Variants in SAMD12 observed in about 807,000 individuals in gnomAD.
SAMD12 encodes the protein sterile alpha motif domain containing 12, also known as sterile alpha motif domain-containing protein 12.
In SAMD12, 9 loss-of-function variants were observed where a neutral mutation model predicts 15.0. That is an observed-to-expected ratio of 0.60 (90% confidence interval 0.36 to 1.05). The LOEUF is 1.05. SAMD12 is among the 50% of genes least tolerant of loss of function. The pLI is 0.01. For missense variants in SAMD12, 230 were observed against 234.2 expected (o/e 0.98, Z 0.12); for synonymous variants, 86 against 90.1 (o/e 0.96, Z 0.25).
chr8:118,234,344 A>G (rs1315676516), intron 4 of SAMD12, among the ~76,000 whole-genome samples: 1 of 152,062 alleles, frequency 6.6e-6, no homozygotes, highest in Non-Finnish European at 1.5e-5. Context: ...CATCATCTGA[A>G]ATTACACATA....
intron 1 of SAMD12, among the ~76,000 whole-genome samples, chr8:118,589,553 G>T (rs1450749159): frequency 1.3e-5 from 2 of 152,140 alleles, no homozygotes; most frequent in African/African-American, 4.8e-5. Context: ...CAGTAAAGTG[G>T]GGACAGACTT....
At chr8:118,355,190 C>T (rs375246730) in intron 4 of SAMD12, among the ~76,000 whole-genome samples, 20 of 152,308 alleles carry the variant, frequency 1.3e-4, no homozygotes, top group East Asian at 1.2e-3. Context: ...TATACACATA[C>T]GATGGAATAC....
At chr8:118,321,994 T>A (rs1042739220) in intron 4 of SAMD12, among the ~76,000 whole-genome samples, 1 of 152,168 alleles carries the variant, frequency 6.6e-6, no homozygotes, top group Non-Finnish European at 1.5e-5. Flanking sequence ...AGAGCTGCCA[T>A]TCAAATTGTC....
intron 4 of SAMD12, among the ~76,000 whole-genome samples, chr8:118,314,182 T>C (rs1815765199): frequency 6.6e-6 from 1 of 152,174 alleles, no homozygotes; most frequent in South Asian, 2.1e-4. Flanking sequence ...ATAAATTCTA[T>C]AGCATAAAAT....
At chr8:118,370,656 C>T (rs538891065) in intron 4 of SAMD12, among the ~76,000 whole-genome samples, 1 of 152,068 alleles carries the variant, frequency 6.6e-6, no homozygotes, top group African/African-American at 2.4e-5. Context: ...GAGCTGGAAG[C>T]CATTATCCTC....
intron 2 of SAMD12, among the ~76,000 whole-genome samples, chr8:118,442,717 G>C (rs754458637): frequency 6.6e-6 from 1 of 151,958 alleles, no homozygotes; most frequent in African/African-American, 2.4e-5. Flanking sequence ...ATGTTCCTTC[G>C]GATTAGCTGA....
rs144412666 is a variant in SAMD12 at position 118,497,079 on chromosome 8, C to T, written c.193-57118G>A. On this transcript the variant is annotated intron_variant, in intron 2 of 3. Transcript: ENST00000314727. ...AAAGTCAAAAAATAACAGATGTTGG[C>T]GACATTGCAGAGAAAAGGGAACACT... 7.3e-3 allele frequency among the ~76,000 whole-genome samples: 1,110 copies of T among 152,142 alleles called. 10 individuals are homozygous for T. Among genetic ancestry groups the T allele is most frequent in the African/African-American group, 0.023 (962 of 41,518 alleles).
At chr8:118,325,604 C>T (rs1024429907) in intron 4 of SAMD12, among the ~76,000 whole-genome samples, 8 of 152,146 alleles carry the variant, frequency 5.3e-5, no homozygotes, top group Non-Finnish European at 1.0e-4. Flanking sequence ...TAAGATCTCT[C>T]AGCAAATTTC....
intron 4 of SAMD12, among the ~76,000 whole-genome samples, chr8:118,260,106 C>T (rs1280666326): frequency 1.3e-5 from 2 of 152,076 alleles, no homozygotes; most frequent in Non-Finnish European, 2.9e-5. Flanking sequence ...GCGTATTAAA[C>T]ATGGTGTGGT....
chr8:118,441,649 T>C (rs534891012), intron 2 of SAMD12, among the ~76,000 whole-genome samples: 4 of 152,334 alleles, frequency 2.6e-5, no homozygotes, highest in African/African-American at 7.2e-5. Flanking sequence ...TAGACATATA[T>C]ACATACATAT....
chr8:118,469,952 C>T (rs1470272378), intron 2 of SAMD12, among the ~76,000 whole-genome samples: 1 of 152,104 alleles, frequency 6.6e-6, no homozygotes, highest in Admixed American at 6.5e-5. Flanking sequence ...AGAGAAGTGT[C>T]TTAATAAATT....
intron 1 of SAMD12, among the ~76,000 whole-genome samples, chr8:118,613,254 G>C (rs1319842896): frequency 6.6e-6 from 1 of 152,146 alleles, no homozygotes; most frequent in Non-Finnish European, 1.5e-5. Context: ...AATCATGAAA[G>C]AGTGAGAAAG....
Position 118,522,173 on chromosome 8 carries a change from CACACAT to C in SAMD12, c.192+58536_192+58541del, listed in dbSNP as rs1194298999. Among the ~76,000 whole-genome samples, 3 of 18,878 alleles carry C rather than the reference CACACAT, an allele frequency of 1.6e-4. No individual in the cohort carries two copies. The African/African-American group carries it at 2.2e-3, about 14-fold the overall frequency. 12.4% of individuals were successfully genotyped at this position (18,878 alleles called of 152,430 possible). ...ATTCAGTGAAACACACACACACACA[CACACAT>C]ACACACACACACACACACATACACA... On this transcript the variant is annotated intron_variant, in intron 2 of 3. Transcript: ENST00000314727.
At position 118,448,097 on chromosome 8, in the gene SAMD12, T is replaced by G. The variant is rs1189258132; in HGVS notation, c.193-8136A>C. Among the ~76,000 whole-genome samples, 3 of 152,316 alleles carry G rather than the reference T, an allele frequency of 2.0e-5. No individual in the cohort carries two copies. The East Asian group carries it at 5.8e-4, about 29-fold the overall frequency. On this transcript the variant is annotated intron_variant, in intron 2 of 3. Transcript: ENST00000314727. ...CCCACTACACCAGTCTTCTTCCTAT[T>G]GCTCAAAAATGCCAACTATGTCTGT...
exon 5 of SAMD12, chr8:118,192,593 AAAC>A (rs1204563108): frequency 6.6e-6 from 1 of 152,014 alleles, no homozygotes; most frequent in Non-Finnish European, 1.5e-5. Context: ...GAGGTTTGGA[AAAC>A]AACAACGCAA....
At chr8:118,264,195 T>C (rs1037264233) in intron 4 of SAMD12, among the ~76,000 whole-genome samples, 5 of 152,194 alleles carry the variant, frequency 3.3e-5, no homozygotes, top group Admixed American at 3.3e-4. Context: ...TGTATTGGCA[T>C]CTTTACCACC....
intron 2 of SAMD12, among the ~76,000 whole-genome samples, chr8:118,507,134 G>A (rs1315600182): frequency 3.3e-5 from 5 of 151,694 alleles, no homozygotes; most frequent in African/African-American, 1.2e-4. Context: ...ATTCTACAAC[G>A]CAGTCACACT....
At chr8:118,311,981 T>C (rs7846246) in intron 4 of SAMD12, among the ~76,000 whole-genome samples, 24,883 of 152,132 alleles carry the variant, frequency 0.16, 2,480 homozygotes, top group African/African-American at 0.28. Context: ...CAGTGTTCCG[T>C]CTTTACTACC....
intron 2 of SAMD12, among the ~76,000 whole-genome samples, chr8:118,500,321 A>G (rs1310860886): frequency 6.6e-6 from 1 of 150,564 alleles, no homozygotes; most frequent in Non-Finnish European, 1.5e-5. Flanking sequence ...AAGGTAATCC[A>G]CCCGCCTTGG....
Sources: allele counts gnomAD v4.1 joint callset (sites outside exome capture counted in the v4.1 genomes callset), GRCh38; gene constraint gnomAD v4.1.1; transcripts MANE v1.5; gene names NCBI Gene and HGNC (gene_info 2026-07-23, HGNC 2026-07-21).